Variants in HPSE2 observed in about 807,000 individuals in gnomAD.
HPSE2 encodes heparanase 2 (inactive), also known as inactive heparanase-2.
In HPSE2, 38 loss-of-function variants were observed where a neutral mutation model predicts 60.5. That is an observed-to-expected ratio of 0.63 (90% confidence interval 0.48 to 0.82). The LOEUF (loss-of-function observed/expected upper bound fraction) is 0.82. HPSE2 is among the 40% of genes least tolerant of loss of function. The probability of loss-of-function intolerance (pLI) is 0.00; values close to 1 mark genes in which losing one functional copy is unlikely to be tolerated. For synonymous variants in HPSE2, 295 were observed against 293.2 expected, an observed-to-expected ratio of 1.01 and a Z score of -0.06; for missense variants, 713 against 740.4, an observed-to-expected ratio of 0.96 and a Z score of 0.43.
At chr10:98,781,863 G>A (rs1950478761) in intron 3 of HPSE2, among the ~76,000 whole-genome samples, 1 of 150,910 alleles carries the variant, frequency 6.6e-6, no homozygotes, top group Non-Finnish European at 1.5e-5. Context: ...GAACTAATTA[G>A]AGATGTGTAC....
chr10:99,028,228 A>T (rs1230661726), intron 3 of HPSE2, among the ~76,000 whole-genome samples: 1 of 152,210 alleles, frequency 6.6e-6, no homozygotes, highest in Non-Finnish European at 1.5e-5. Context: ...AGAGGACATG[A>T]TCTTATATTT....
chr10:98,609,295 T>C (rs1462131), intron 9 of HPSE2, among the ~76,000 whole-genome samples: 135,716 of 152,230 alleles, frequency 0.89, 60,774 homozygotes, highest in East Asian at 0.95. Flanking sequence ...GGCAGGACAG[T>C]ATCTCTAGTG....
intron 9 of HPSE2, among the ~76,000 whole-genome samples, chr10:98,512,472 C>G (rs1942442407): frequency 6.6e-6 from 1 of 151,906 alleles, no homozygotes. Flanking sequence ...GTAGTCCCAG[C>G]TACTCGGGAG....
chr10:98,513,041 T>C (rs1459294987), intron 9 of HPSE2, among the ~76,000 whole-genome samples: 2 of 152,244 alleles, frequency 1.3e-5, no homozygotes, highest in African/African-American at 4.8e-5. Context: ...CCAGTTCATA[T>C]GTGTCTTTCC....
At chr10:99,177,441 G>C (rs1175124775) in intron 2 of HPSE2, among the ~76,000 whole-genome samples, 1 of 151,484 alleles carries the variant, frequency 6.6e-6, no homozygotes, top group Non-Finnish European at 1.5e-5. Context: ...CCAAGCAAAT[G>C]GAAAGCAAAA....
chr10:98,799,173 G>C (rs1032734764), intron 3 of HPSE2, among the ~76,000 whole-genome samples: 1 of 152,066 alleles, frequency 6.6e-6, no homozygotes, highest in African/African-American at 2.4e-5. Context: ...CAAGATAAAA[G>C]CTATAAAAAG....
chr10:99,306,871 C>T, the HPSE2 span, among the ~76,000 whole-genome samples: 1 of 152,202 alleles, frequency 6.6e-6, no homozygotes, highest in African/African-American at 2.4e-5. Flanking sequence ...GCACCATGCC[C>T]AGCTAATTTT....
intron 6 of HPSE2, among the ~76,000 whole-genome samples, chr10:98,665,241 A>G (rs1353258065): frequency 6.1e-5 from 9 of 148,750 alleles, no homozygotes; most frequent in Non-Finnish European, 1.2e-4. Context: ...AAACTAAAGG[A>G]AAAAAAATTT....
intron 9 of HPSE2, among the ~76,000 whole-genome samples, chr10:98,597,094 TACTC>T (rs1241502358): frequency 6.6e-6 from 1 of 152,130 alleles, no homozygotes; most frequent in East Asian, 1.9e-4. Flanking sequence ...CATGAGAACT[TACTC>T]ACTATCATGA....
At chr10:98,973,646 T>C (rs945199760) in intron 3 of HPSE2, among the ~76,000 whole-genome samples, 1 of 152,198 alleles carries the variant, frequency 6.6e-6, no homozygotes, top group African/African-American at 2.4e-5. Context: ...TGATCACATC[T>C]TAGTTATAAC....
chr10:98,546,149 A>G (rs1169692727), intron 9 of HPSE2, among the ~76,000 whole-genome samples: 1 of 136,934 alleles, frequency 7.3e-6, no homozygotes, highest in African/African-American at 2.5e-5. Context: ...CAATGAAATA[A>G]AAGAGGATAC....
Position 98,482,755 on chromosome 10 carries a change from T to G in HPSE2, c.1494A>C (p.Thr498=). 2 of 1,614,056 alleles carry G rather than the reference T, an allele frequency of 1.2e-6. No homozygotes were observed. Among genetic ancestry groups the G allele is most frequent in the Non-Finnish European group, 1.7e-6 (2 of 1,180,012 alleles). ...HNHNYVRGSI[T]LFIINLHRSR... ...ATCGATGCAAGTTGATGATAAAAAG[T>G]GTAATGGACCCACGAACGTAGTTGT... Residue 498 remains threonine (T), a synonymous_variant, in exon 11 of 12, where the codon ACA becomes ACC. Transcript: ENST00000370552.
intron 3 of HPSE2, among the ~76,000 whole-genome samples, chr10:98,891,456 A>T (rs1225018333): frequency 2.6e-5 from 4 of 151,996 alleles, no homozygotes; most frequent in African/African-American, 9.7e-5. Context: ...TATTATTATT[A>T]TTTTTAAGTA....
the HPSE2 span, among the ~76,000 whole-genome samples, chr10:99,262,037 A>G: frequency 1.3e-5 from 2 of 152,100 alleles, no homozygotes; most frequent in Admixed American, 1.3e-4. Context: ...ACTCCTTCCC[A>G]GATCTTCTCG....
chr10:99,261,959 G>A, the HPSE2 span, among the ~76,000 whole-genome samples: 15 of 152,270 alleles, frequency 9.9e-5, no homozygotes, highest in Admixed American at 2.6e-4. Flanking sequence ...ACTGGAAATC[G>A]GACTGTCCAA....
rs140098507 is a variant in HPSE2 at position 98,674,688 on chromosome 10, G to A, written c.1004+19212C>T. Among the ~76,000 whole-genome samples, 333 of 152,314 alleles carry A rather than the reference G, an allele frequency of 2.2e-3. 1 individual carries two copies. The highest frequency in any genetic ancestry group is 2.7e-3 in the Non-Finnish European group (187 of 68,028). On this transcript the variant is annotated intron_variant, in intron 6 of 11. Coordinates refer to ENST00000370552, the MANE Select transcript of HPSE2 (RefSeq NM_021828.5). ...CCAGCACTTTGGGAGGCTGAGGTGG[G>A]CAGATCACCTGAGGTCAGGAGTTCG...
At chr10:98,571,940 CT>C (rs1554943112) in intron 9 of HPSE2, among the ~76,000 whole-genome samples, 134 of 140,724 alleles carry the variant, frequency 9.5e-4, no homozygotes, top group African/African-American at 3.3e-3. Context: ...AATTCCTTTT[CT>C]TTTTTTTTTT....
chr10:98,936,236 G>C (rs1204436561), intron 3 of HPSE2, among the ~76,000 whole-genome samples: 2 of 144,218 alleles, frequency 1.4e-5, no homozygotes, highest in African/African-American at 5.6e-5. Flanking sequence ...TAGCTTGCTA[G>C]GCTCCATGGG....
chr10:99,003,289 T>C (rs1484919803), intron 3 of HPSE2, among the ~76,000 whole-genome samples: 1 of 152,116 alleles, frequency 6.6e-6, no homozygotes, highest in Non-Finnish European at 1.5e-5. Flanking sequence ...ATATGGCTAT[T>C]ATGAATAATG....
Sources: allele counts gnomAD v4.1 joint callset (sites outside exome capture counted in the v4.1 genomes callset), GRCh38; gene constraint gnomAD v4.1.1; transcripts MANE v1.5; gene names NCBI Gene and HGNC (gene_info 2026-07-23, HGNC 2026-07-21).